GPBP1L1: variants seen among roughly 807,000 people sequenced by gnomAD.
GPBP1L1 encodes vasculin-like protein 1.
A neutral mutation model predicts 52.5 loss-of-function variants in GPBP1L1; 23 were observed. The ratio of observed to expected loss-of-function variants is 0.44; its 90% CI spans 0.32 to 0.62. The LOEUF is 0.62. Ranked by LOEUF, GPBP1L1 falls within the 20% of genes least tolerant of loss-of-function variation. The pLI is 0.06. For missense variants in GPBP1L1, 596 were observed against 579.3 expected (o/e 1.03, Z -0.30); for synonymous variants, 243 against 203.1 (o/e 1.20, Z -1.67).
intron 2 of GPBP1L1, among the ~76,000 whole-genome samples, chr1:45,663,165 A>G (rs1033666511): frequency 2.6e-4 from 39 of 152,234 alleles, no homozygotes; most frequent in African/African-American, 8.9e-4. Context: ...TGGAAAAATA[A>G]GTCAAGCATC....
chr1:45,681,716 G>A (rs1164219439), intron 2 of GPBP1L1, among the ~76,000 whole-genome samples: 1 of 152,136 alleles, frequency 6.6e-6, no homozygotes, highest in East Asian at 1.9e-4. Context: ...CTAGGAGAAG[G>A]TACTATTATT....
intron 3 of GPBP1L1, 38 bp downstream of exon 3, chr1:45,660,146 A>G (rs1209620470): frequency 1.0e-6 from 1 of 971,676 alleles, no homozygotes; most frequent in East Asian, 1.1e-4. Flanking sequence ...ATATACATAG[A>G]GTCTTCTTTC....
chr1:45,637,961 G>A (rs1054618374), intron 8 of GPBP1L1, among the ~76,000 whole-genome samples: 5 of 152,212 alleles, frequency 3.3e-5, no homozygotes, highest in African/African-American at 4.8e-5. Context: ...GCTCAAGGAC[G>A]TAAGATGAAG....
chr1:45,687,519 AGACACGGAAGGG>A (rs1486392839), upstream of GPBP1L1: 2 of 152,274 alleles, frequency 1.3e-5, no homozygotes, highest in Non-Finnish European at 2.9e-5. Context: ...TTTTATCCAT[AGACACGGAAGGG>A]CACTAAAATT....
chr1:45,653,429 C>T (rs957673437), intron 6 of GPBP1L1, among the ~76,000 whole-genome samples: 15 of 152,106 alleles, frequency 9.9e-5, no homozygotes, highest in African/African-American at 3.6e-4. Context: ...AATCATAGCT[C>T]ACTGCAGCCT....
At chr1:45,631,548 C>T (rs976912450) in intron 10 of GPBP1L1, among the ~76,000 whole-genome samples, 1 of 152,104 alleles carries the variant, frequency 6.6e-6, no homozygotes. Context: ...TAGGTTTGAG[C>T]CACCGTGACT....
intron 9 of GPBP1L1, 42 bp from the exon 10 acceptor site, chr1:45,633,689 G>C (rs202001469): frequency 6.9e-6 from 11 of 1,599,042 alleles, no homozygotes; most frequent in Non-Finnish European, 7.7e-6. Context: ...ACAGCAAAGA[G>C]CAAGAACTGG....
At chr1:45,634,980 A>C (rs1026386204) in intron 8 of GPBP1L1, 3 of 152,246 alleles carry the variant, frequency 2.0e-5, no homozygotes, top group Admixed American at 2.0e-4. Flanking sequence ...CACTTAGAAC[A>C]GAGGACCTCC....
intron 2 of GPBP1L1, among the ~76,000 whole-genome samples, chr1:45,667,141 GTACTTCA>G (rs1247935743): frequency 6.6e-6 from 1 of 152,132 alleles, no homozygotes; most frequent in African/African-American, 2.4e-5. Context: ...CGCTGAGAAT[GTACTTCA>G]TGCCATGGAA....
In GPBP1L1 at chr1:45,643,687, T is replaced by TTTTTTTTTG. The variant is rs796900170; in HGVS notation, c.478-1189_478-1188insCAAAAAAAA. ...TTTTTTTTTTTTTTTTTTTTTTTTT[T>TTTTTTTTTG]GTGACAGAGTGTCACTCTGTTGCCC... On this transcript the variant is annotated intron_variant, in intron 6 of 12. Transcript: ENST00000355105. 1.7e-5 allele frequency among the ~76,000 whole-genome samples: 2 copies of TTTTTTTTTG among 116,808 alleles called. 1 individual carries two copies. Among genetic ancestry groups the TTTTTTTTTG allele is most frequent in the Non-Finnish European group, 3.5e-5 (2 of 56,656 alleles). The allele number at this position is 116,808 out of a possible 152,430, so 76.6% of individuals were successfully genotyped here. A position where few individuals can be genotyped will look rare whatever the true frequency, so the allele number is the denominator to read the frequency against.
chr1:45,641,291 A>G (rs1323956123), intron 7 of GPBP1L1, among the ~76,000 whole-genome samples: 1 of 152,140 alleles, frequency 6.6e-6, no homozygotes, highest in Admixed American at 6.5e-5. Flanking sequence ...GGAGAGTCCA[A>G]TTTGTAAATG....
chr1:45,629,655 T>G lies in GPBP1L1; in HGVS notation c.1193A>C (p.Gln398Pro). The change falls in exon 12 of 13, where the codon CAG (glutamine) becomes CCG (proline). Residue 398 changes from glutamine (Q) to proline (P), a missense_variant. Gln to Pro is a moderately conservative substitution (Grantham distance 76). Transcript: ENST00000355105. The stretch of plus-strand genomic sequence containing the variant: ...ATTCTCATCATTTTCAGGATATTCC[T>G]GCCAACCCATAGCTTTCAATAACCT... ...EHRLLKAMGW[Q>P]EYPENDENCL... 1 of 1,612,312 alleles carries G rather than the reference T, an allele frequency of 6.2e-7. No homozygotes were observed. The highest frequency in any genetic ancestry group is 1.7e-5 in the Admixed American group (1 of 60,026).
intron 2 of GPBP1L1, among the ~76,000 whole-genome samples, chr1:45,680,235 C>CTT (rs58188753): frequency 0.15 from 19,277 of 130,008 alleles, 2,022 homozygotes; most frequent in Non-Finnish European, 0.22. Flanking sequence ...TTGAGACACG[C>CTT]TTTTTTTTTT....
intron 6 of GPBP1L1, among the ~76,000 whole-genome samples, chr1:45,647,396 G>A (rs370013453): frequency 3.9e-5 from 6 of 152,080 alleles, no homozygotes; most frequent in South Asian, 4.1e-4. Context: ...CCTCAGTGAC[G>A]GGCTTTGTTC....
chr1:45,660,658 T>C lies in GPBP1L1; in HGVS notation c.-530A>G. On this transcript the variant is annotated 5_prime_UTR_variant, in exon 3 of 13. Transcript: ENST00000355105. ...CATCAAGGTAATAGATCAAAAATATTAAAGCCCTATAAAAGATCTGAGCAG... is the reference window on the plus strand; with the variant it reads ...CATCAAGGTAATAGATCAAAAATATCAAAGCCCTATAAAAGATCTGAGCAG... 1 of 582,912 alleles carries C rather than the reference T, an allele frequency of 1.7e-6. No homozygotes were observed. The highest frequency in any genetic ancestry group is 2.2e-6 in the Non-Finnish European group (1 of 462,438). 36.1% of individuals were successfully genotyped at this position (582,912 alleles called of 1,614,324 possible). A position where few individuals can be genotyped will look rare whatever the true frequency, so the allele number is the denominator to read the frequency against.
intron 10 of GPBP1L1, 25 bp downstream of exon 10, chr1:45,633,464 C>T (rs771735697): frequency 3.5e-5 from 56 of 1,609,182 alleles, no homozygotes; most frequent in Non-Finnish European, 4.6e-5. Flanking sequence ...CCTAGGCTAC[C>T]CCCAGAAAAG....
chr1:45,653,034 G>T (rs1419363271), intron 6 of GPBP1L1, among the ~76,000 whole-genome samples: 1 of 152,148 alleles, frequency 6.6e-6, no homozygotes. Flanking sequence ...ATATGTAAGG[G>T]CAGTATAGAC....
chr1:45,635,784 A>G (rs1032627405), intron 8 of GPBP1L1: 1 of 152,176 alleles, frequency 6.6e-6, no homozygotes, highest in Non-Finnish European at 1.5e-5. Flanking sequence ...CTACTGGACT[A>G]AAAATTCTAA....
intron 6 of GPBP1L1, among the ~76,000 whole-genome samples, chr1:45,644,827 AAAAC>A (rs1298330933): frequency 2.0e-5 from 3 of 152,238 alleles, no homozygotes; most frequent in African/African-American, 7.2e-5. Context: ...ACAAGATGCA[AAAAC>A]AATGATCTAA....
Sources: allele counts gnomAD v4.1 joint callset (sites outside exome capture counted in the v4.1 genomes callset), GRCh38; gene constraint gnomAD v4.1.1; transcripts MANE v1.5; gene names NCBI Gene and HGNC (gene_info 2026-07-23, HGNC 2026-07-21).